The following UBAC2 variants were observed in gnomAD, a reference collection of about 807,000 sequenced individuals.
UBAC2 encodes the protein UBA domain containing 2, also known as ubiquitin-associated domain-containing protein 2.
In UBAC2, 26 loss-of-function variants were observed where a neutral mutation model predicts 44.0. The ratio of observed to expected loss-of-function variants is 0.59; its 90% confidence interval spans 0.43 to 0.82. The LOEUF (loss-of-function observed/expected upper bound fraction) is 0.82. UBAC2 is among the 40% of genes least tolerant of loss of function. The pLI is 0.00. For synonymous variants in UBAC2, 155 were observed against 154.3 expected, an observed-to-expected ratio of 1.00 and a Z score of -0.04; for missense variants, 329 against 419.4, an observed-to-expected ratio of 0.78 and a Z score of 1.88.
At chr13:99,366,753 A>G (rs911901478) in intron 7 of UBAC2, among the ~76,000 whole-genome samples, 1 of 152,166 alleles carries the variant, frequency 6.6e-6, no homozygotes, top group Non-Finnish European at 1.5e-5. Context: ...TCAAACAGTG[A>G]TAGAACCCAA....
At chr13:99,305,926 C>T (rs1260160110) in intron 4 of UBAC2, among the ~76,000 whole-genome samples, 2 of 152,100 alleles carry the variant, frequency 1.3e-5, no homozygotes. Context: ...GACAGAGTCT[C>T]GCATGGTCGC....
intron 4 of UBAC2, among the ~76,000 whole-genome samples, chr13:99,256,993 G>T (rs2043573382): frequency 6.6e-6 from 1 of 152,156 alleles, no homozygotes; most frequent in Non-Finnish European, 1.5e-5. Flanking sequence ...GCTGTCTGTG[G>T]TCAGTGGCAT....
intron 4 of UBAC2, among the ~76,000 whole-genome samples, chr13:99,253,340 G>C (rs911619911): frequency 1.5e-4 from 23 of 152,212 alleles, no homozygotes; most frequent in Middle Eastern, 3.4e-3. Context: ...TTCTTGAGCT[G>C]AGCAAGTCAC....
At chr13:99,384,466 T>G (rs1465609801) in intron 8 of UBAC2, among the ~76,000 whole-genome samples, 1 of 152,234 alleles carries the variant, frequency 6.6e-6, no homozygotes, top group Admixed American at 6.5e-5. Context: ...TAGAGAAAAG[T>G]ACAGGAAATC....
intron 4 of UBAC2, among the ~76,000 whole-genome samples, chr13:99,309,933 A>G (rs2044390139): frequency 6.6e-6 from 1 of 152,240 alleles, no homozygotes; most frequent in South Asian, 2.1e-4. Context: ...AGAAGAAGTG[A>G]AATGGACATT....
At chr13:99,325,156 G>A (rs2044622196) in intron 6 of UBAC2, among the ~76,000 whole-genome samples, 1 of 138,050 alleles carries the variant, frequency 7.2e-6, no homozygotes, top group Non-Finnish European at 1.5e-5. Context: ...AGGCTGGAGT[G>A]CTGTGGCGCG....
rs577981622 is a variant in UBAC2 at position 99,373,078 on chromosome 13, G to A, written c.927+5172G>A. ...AGAGCTTGCAGTGAGCTGAGATCAC[G>A]CCACTGCACTCCAGCCTGGGTGACA... On this transcript the variant is annotated intron_variant, in intron 8 of 8. Coordinates refer to ENST00000403766, the MANE Select transcript of UBAC2 (RefSeq NM_001144072.2). 6.6e-4 allele frequency among the ~76,000 whole-genome samples: 100 copies of A among 152,042 alleles called. 1 individual carries two copies. Among genetic ancestry groups the A allele is most frequent in the African/African-American group, 2.3e-3 (97 of 41,462 alleles).
chr13:99,368,429 C>T (rs1246845957), intron 8 of UBAC2, among the ~76,000 whole-genome samples: 2 of 152,040 alleles, frequency 1.3e-5, no homozygotes, highest in Non-Finnish European at 2.9e-5. Flanking sequence ...ACGTTTGTAC[C>T]GGATATACCC....
At chr13:99,332,932 C>CA (rs35494820) in intron 6 of UBAC2, among the ~76,000 whole-genome samples, 25,842 of 152,020 alleles carry the variant, frequency 0.17, 2,420 homozygotes, top group Middle Eastern at 0.23. Context: ...AAAACTCGCT[C>CA]ATTCAGAAGA....
chr13:99,261,249 C>T (rs1324582358), intron 4 of UBAC2, among the ~76,000 whole-genome samples: 6 of 152,196 alleles, frequency 3.9e-5, no homozygotes. Flanking sequence ...GGGTGTGAGG[C>T]AGACAAAGAG....
intron 4 of UBAC2, among the ~76,000 whole-genome samples, chr13:99,288,437 A>G (rs1001137077): frequency 2.0e-5 from 3 of 152,218 alleles, no homozygotes; most frequent in Non-Finnish European, 4.4e-5. Flanking sequence ...AAAATTTTTG[A>G]GGAAGGTGAA....
intron 5 of UBAC2, among the ~76,000 whole-genome samples, chr13:99,317,301 A>G (rs1017193156): frequency 9.9e-5 from 15 of 152,210 alleles, no homozygotes; most frequent in African/African-American, 3.6e-4. Context: ...TTAACCAACA[A>G]TAACCCACAA....
At chr13:99,373,902 A>AG (rs1555333368) in intron 8 of UBAC2, among the ~76,000 whole-genome samples, 1 of 152,194 alleles carries the variant, frequency 6.6e-6, no homozygotes, top group Non-Finnish European at 1.5e-5. Context: ...GACACAGAGG[A>AG]GGGGGCAGGT....
intron 4 of UBAC2, among the ~76,000 whole-genome samples, chr13:99,301,473 T>G (rs2044255603): frequency 6.6e-6 from 1 of 152,242 alleles, no homozygotes; most frequent in Admixed American, 6.5e-5. Context: ...CAGCAAAATA[T>G]CTTCCAAAGT....
intron 1 of UBAC2, among the ~76,000 whole-genome samples, chr13:99,220,760 G>C (rs2043044420): frequency 6.6e-6 from 1 of 152,092 alleles, no homozygotes; most frequent in Non-Finnish European, 1.5e-5. Flanking sequence ...TGCTCACAGA[G>C]AGGCCGAAGA....
intron 4 of UBAC2, chr13:99,254,768 A>AT: frequency 1.3e-6 from 1 of 795,352 alleles, no homozygotes; most frequent in Non-Finnish European, 1.9e-6. Context: ...TAATGAATTT[A>AT]TTTTTTCAAG....
chr13:99,254,925 T>G, intron 4 of UBAC2: 1 of 1,614,046 alleles, frequency 6.2e-7, no homozygotes, highest in Non-Finnish European at 8.5e-7. Context: ...GACTACCAGA[T>G]CGGAAACTTT....
intron 1 of UBAC2, among the ~76,000 whole-genome samples, chr13:99,233,970 TTTA>T (rs916181234): frequency 7.6e-4 from 115 of 151,984 alleles, no homozygotes; most frequent in African/African-American, 2.4e-3. Context: ...GGGTTATTAT[TTTA>T]TTATTATTAT....
intron 1 of UBAC2, among the ~76,000 whole-genome samples, chr13:99,224,899 T>C (rs1002531530): frequency 6.6e-6 from 1 of 152,216 alleles, no homozygotes; most frequent in African/African-American, 2.4e-5. Context: ...CGAATCTTGT[T>C]GTCTATAATG....
Sources: allele counts gnomAD v4.1 joint callset (sites outside exome capture counted in the v4.1 genomes callset), GRCh38; gene constraint gnomAD v4.1.1; transcripts MANE v1.5; gene names NCBI Gene and HGNC (gene_info 2026-07-23, HGNC 2026-07-21).